Variants in SEMA3A observed in about 807,000 individuals in gnomAD.
The protein encoded by SEMA3A is semaphorin 3A, also known as semaphorin-3A.
In SEMA3A, 29 loss-of-function variants were observed where a neutral mutation model predicts 97.9. That is an observed-to-expected ratio of 0.30 (90% CI 0.22 to 0.40). The LOEUF (loss-of-function observed/expected upper bound fraction) is 0.40, where lower values mean the gene tolerates loss of function less well. Among genes scored for constraint, SEMA3A ranks in the 10% least tolerant of loss-of-function variants. The pLI, the probability that SEMA3A is intolerant of heterozygous loss-of-function variation, is 1.00. For missense variants in SEMA3A, 763 were observed against 951.3 expected, an observed-to-expected ratio of 0.80 and a Z score of 2.60; for synonymous variants, 321 against 323.7, an observed-to-expected ratio of 0.99 and a Z score of 0.09.
At chr7:84,126,892 G>T (rs1795815882) in intron 3 of SEMA3A, among the ~76,000 whole-genome samples, 1 of 152,098 alleles carries the variant, frequency 6.6e-6, no homozygotes, top group African/African-American at 2.4e-5. Context: ...GTCAGTAGGG[G>T]TATCAGCACA....
At chr7:84,090,207 G>A (rs1794519346) in intron 4 of SEMA3A, among the ~76,000 whole-genome samples, 1 of 152,104 alleles carries the variant, frequency 6.6e-6, no homozygotes, top group South Asian at 2.1e-4. Context: ...AAAGAAGTTG[G>A]TAAGAACTTT....
chr7:84,372,979 C>A (rs946206151), intron 1 of SEMA3A, among the ~76,000 whole-genome samples: 4 of 152,174 alleles, frequency 2.6e-5, no homozygotes, highest in African/African-American at 9.6e-5. Flanking sequence ...AACATGCCAG[C>A]TCCAAAAGCT....
At chr7:84,060,970 T>G (rs895175989) in intron 4 of SEMA3A, among the ~76,000 whole-genome samples, 11 of 152,250 alleles carry the variant, frequency 7.2e-5, no homozygotes, top group African/African-American at 2.7e-4. Flanking sequence ...TTCACTACGT[T>G]AGTTGTCTAG....
chr7:84,396,694 C>T (rs1050036624), intron 1 of SEMA3A, among the ~76,000 whole-genome samples: 4 of 151,944 alleles, frequency 2.6e-5, no homozygotes, highest in Admixed American at 6.6e-5. Flanking sequence ...ATAGTAATAG[C>T]TGTAGTTGGA....
At chr7:84,049,463 T>C (rs1253137308) in intron 5 of SEMA3A, among the ~76,000 whole-genome samples, 1 of 152,148 alleles carries the variant, frequency 6.6e-6, no homozygotes, top group African/African-American at 2.4e-5. Context: ...TACCTTCTCT[T>C]ATTTCTCATT....
chr7:84,446,533 T>G (rs1334139008), intron 1 of SEMA3A, among the ~76,000 whole-genome samples: 1 of 152,162 alleles, frequency 6.6e-6, no homozygotes, highest in Non-Finnish European at 1.5e-5. Flanking sequence ...AAAATAATCT[T>G]GTAATACACG....
At chr7:84,330,635 A>G (rs754307227) in intron 2 of SEMA3A, among the ~76,000 whole-genome samples, 1 of 152,080 alleles carries the variant, frequency 6.6e-6, no homozygotes, top group Non-Finnish European at 1.5e-5. Context: ...GTCATCTACA[A>G]TTGACTTTCT....
At chr7:84,008,646 T>C (rs563405916) in intron 9 of SEMA3A, among the ~76,000 whole-genome samples, 1 of 152,288 alleles carries the variant, frequency 6.6e-6, no homozygotes, top group Non-Finnish European at 1.5e-5. Context: ...CCTTGAAAAT[T>C]ACATATAAAT....
chr7:84,344,538 T>C (rs999189079), intron 2 of SEMA3A, among the ~76,000 whole-genome samples: 3 of 152,148 alleles, frequency 2.0e-5, no homozygotes, highest in African/African-American at 7.2e-5. Flanking sequence ...AGCTAGACTT[T>C]GCTGGTTAGA....
At chr7:84,165,775 A>G (rs2116183151) in intron 1 of SEMA3A, among the ~76,000 whole-genome samples, 1 of 151,958 alleles carries the variant, frequency 6.6e-6, no homozygotes, top group Non-Finnish European at 1.5e-5. Context: ...CTGGTCTGGA[A>G]CTCCTGACCT....
intron 4 of SEMA3A, among the ~76,000 whole-genome samples, chr7:84,092,074 T>C (rs945306463): frequency 6.6e-6 from 1 of 152,166 alleles, no homozygotes; most frequent in Non-Finnish European, 1.5e-5. Flanking sequence ...ATGTTATACA[T>C]GTGCCAAATG....
At chr7:84,112,178 C>T (rs1019231350) in intron 3 of SEMA3A, among the ~76,000 whole-genome samples, 5 of 152,162 alleles carry the variant, frequency 3.3e-5, no homozygotes, top group Admixed American at 1.3e-4. Context: ...CTTTGAAACA[C>T]ATAGGTGGCC....
chr7:84,154,261 C>T (rs1796765570), intron 1 of SEMA3A, among the ~76,000 whole-genome samples: 1 of 151,844 alleles, frequency 6.6e-6, no homozygotes, highest in Admixed American at 6.6e-5. Context: ...GCTGGGATGC[C>T]AAAATATTTG....
chr7:84,326,049 A>G (rs1217979966), intron 2 of SEMA3A, among the ~76,000 whole-genome samples: 1 of 152,082 alleles, frequency 6.6e-6, no homozygotes, highest in Non-Finnish European at 1.5e-5. Flanking sequence ...AATGTCTTTC[A>G]GGTTCATCCA....
chr7:84,327,064 A>G (rs913220175), intron 2 of SEMA3A, among the ~76,000 whole-genome samples: 3 of 152,020 alleles, frequency 2.0e-5, no homozygotes, highest in African/African-American at 4.8e-5. Flanking sequence ...GGCACCTAAC[A>G]AAAGTCTAAT....
chr7:84,377,890 G>A (rs562612646), intron 1 of SEMA3A, among the ~76,000 whole-genome samples: 6 of 152,234 alleles, frequency 3.9e-5, no homozygotes, highest in African/African-American at 1.4e-4. Context: ...CCATGTTATT[G>A]GTGGTGAATC....
chr7:84,313,089 T>G (rs1279568270), intron 2 of SEMA3A, among the ~76,000 whole-genome samples: 1 of 144,728 alleles, frequency 6.9e-6, no homozygotes, highest in African/African-American at 2.5e-5. Flanking sequence ...TATAATTGTT[T>G]TCATTAAGCC....
intron 3 of SEMA3A, among the ~76,000 whole-genome samples, chr7:84,119,259 T>G (rs1795526917): frequency 6.6e-6 from 1 of 152,162 alleles, no homozygotes; most frequent in African/African-American, 2.4e-5. Context: ...ACACCATGTA[T>G]AGCATGGATA....
chr7:84,050,150 T>C (rs1792552188), intron 5 of SEMA3A, among the ~76,000 whole-genome samples: 1 of 151,998 alleles, frequency 6.6e-6, no homozygotes, highest in Non-Finnish European at 1.5e-5. Flanking sequence ...GTCTTTGTTA[T>C]TGTGAATAAT....
Sources: gnomAD v4.1 joint callset for allele counts (sites outside exome capture counted in the v4.1 genomes callset) on GRCh38, gnomAD v4.1.1 for gene constraint, MANE v1.5 for transcripts, NCBI Gene and HGNC (gene_info 2026-07-23, HGNC 2026-07-21) for gene names.